The following ZNF316 variants were observed in gnomAD, a reference collection of about 807,000 sequenced individuals.
ZNF316 encodes zinc finger protein 316.
A neutral mutation model predicts 75.6 loss-of-function variants in ZNF316; 23 were observed. That is an observed-to-expected ratio of 0.30 (90% CI 0.22 to 0.43). The LOEUF is 0.43. Ranked by LOEUF, ZNF316 falls within the 20% of genes least tolerant of loss-of-function variation. The probability of loss-of-function intolerance (pLI) is 1.00; values close to 1 mark genes in which losing one functional copy is unlikely to be tolerated. For missense variants in ZNF316, 1,266 were observed against 1,409.4 expected (o/e 0.90, Z 1.63); for synonymous variants, 827 against 666.2 (o/e 1.24, Z -3.72).
In ZNF316 at chr7:6,653,868, C is replaced by T; in HGVS notation, c.2272C>T (p.Arg758Cys). 9.2e-7 allele frequency: 1 copy of T among 1,088,440 alleles called. No individual in the cohort carries two copies. The highest frequency in any genetic ancestry group is 1.1e-6 in the Non-Finnish European group (1 of 895,434). 67.4% of individuals were successfully genotyped at this position (1,088,440 alleles called of 1,614,324 possible). A position where few individuals can be genotyped will look rare whatever the true frequency, so the allele number is the denominator to read the frequency against. Residue 758 changes from arginine to cysteine, a missense_variant, in exon 9 of 9, where the codon CGC (arginine) becomes TGC (cysteine). Transcript: ENST00000382252. The part of the protein sequence containing the change: ...PCPECGARFA[R>C]GSHLAAHVRG... ...CCCCGAGTGCGGCGCGCGGTTCGCC[C>T]GCGGCTCGCACTTGGCGGCGCACGT...
Position 6,653,317 on chromosome 7 carries a change from C to A in ZNF316, c.1721C>A (p.Pro574Gln). The change falls in exon 9 of 9, where the codon CCG becomes CAG. Residue 574 changes from proline (P) to glutamine (Q), a missense_variant. Physicochemically the swap from Pro to Gln is moderately conservative, Grantham distance 76. This residue lies in a region of ZNF316 where 961 missense variants were observed against 990.9 expected (regional missense o/e 0.97). Coordinates refer to ENST00000382252, the MANE Select transcript of ZNF316 (RefSeq NM_001278559.2). Reference sequence around the variant, plus strand: ...CCCAGCGGCAAGGTGGACCCCGCGCCGGAACGGCGCTTCCTGGAGCTGGGC... The same window carrying A: ...CCCAGCGGCAAGGTGGACCCCGCGCAGGAACGGCGCTTCCTGGAGCTGGGC... Reference protein sequence around the residue: ...PTPSGKVDPAPERRFLELGNG... With the variant: ...PTPSGKVDPAQERRFLELGNG... The A allele has an allele frequency of 8.2e-7, 1 of 1,226,744 alleles. No homozygotes were observed. The highest frequency in any genetic ancestry group is 3.2e-5 in the East Asian group (1 of 31,498). The allele number at this position is 1,226,744 out of a possible 1,614,324, so 76.0% of individuals were successfully genotyped here.
intron 8 of ZNF316, among the ~76,000 whole-genome samples, chr7:6,649,769 C>T (rs897426447): frequency 4.6e-5 from 7 of 152,192 alleles, no homozygotes; most frequent in Non-Finnish European, 7.4e-5. Flanking sequence ...TGGAGTGTGG[C>T]CCACCCTTGT....
At position 6,657,280 on chromosome 7, in the gene ZNF316, C is replaced by T. The variant is rs1343966655; in HGVS notation, c.*2669C>T. Among the ~76,000 whole-genome samples, 1 of 135,008 alleles carries T rather than the reference C, an allele frequency of 7.4e-6. No individual in the cohort carries two copies. The highest frequency in any genetic ancestry group is 1.5e-5 in the Non-Finnish European group (1 of 66,262). The allele number at this position is 135,008 out of a possible 152,430, so 88.6% of individuals were successfully genotyped here. ...AAGTGCTGGGATTGCAGGTGTGAGT[C>T]ACCGCGCCCGGCCAGAGCAACCTAA... On this transcript the variant is annotated 3_prime_UTR_variant, in exon 9 of 9. Transcript: ENST00000382252.
Position 6,652,582 on chromosome 7 carries a change from C to T in ZNF316, c.986C>T (p.Pro329Leu). The change falls in exon 9 of 9, where the codon CCC (proline) becomes CTC (leucine). Residue 329 changes from proline (P) to leucine (L), a missense_variant. Physicochemically the swap from Pro to Leu is moderately conservative, Grantham distance 98. Transcript: ENST00000382252. Reference sequence around the variant, plus strand: ...GAGCCGGGTGCGAACCTGCTGTCGCCCTGGGCGTTCCCCGCCGCAGTGGCC... The same window carrying T: ...GAGCCGGGTGCGAACCTGCTGTCGCTCTGGGCGTTCCCCGCCGCAGTGGCC... ...GREPGANLLS[P>L]WAFPAAVAPP... is the part of the protein sequence containing the mutation. 1 of 1,230,766 alleles carries T rather than the reference C, an allele frequency of 8.1e-7. No homozygotes were observed. The highest frequency in any genetic ancestry group is 1.0e-6 in the Non-Finnish European group (1 of 987,248). The allele number at this position is 1,230,766 out of a possible 1,614,324, so 76.2% of individuals were successfully genotyped here.
chr7:6,642,470 G>C lies in ZNF316; in HGVS notation c.61G>C (p.Gly21Arg). 3 of 1,232,670 alleles carry C rather than the reference G, an allele frequency of 2.4e-6. No individual in the cohort carries two copies. In the South Asian group the frequency reaches 1.2e-4, roughly 51 times the overall value. 76.4% of individuals were successfully genotyped at this position (1,232,670 alleles called of 1,614,324 possible). ...TGCCCAGCTGGAGCGGGCAGAGGAC[G>C]GGTCAGAGTGCGACCCTGACCAGGA... ...PAAQLERAED[G>R]SECDPDQEEE... Residue 21 changes from glycine (G) to arginine (R), a missense_variant, in exon 5 of 9, where the codon GGG becomes CGG. By Grantham distance (125) the Gly-to-Arg change is moderately radical (BLOSUM62 -2). This residue lies in a region of ZNF316 where 961 missense variants were observed against 990.9 expected (regional missense o/e 0.97). Transcript: ENST00000382252. The surrounding 1 kb of genome is among the most constrained non-coding windows in gnomAD (Gnocchi z 8.1).
At chr7:6,647,136 A>G (rs909355478) in intron 8 of ZNF316, among the ~76,000 whole-genome samples, 9 of 152,016 alleles carry the variant, frequency 5.9e-5, no homozygotes. Context: ...CCAGCCCTGT[A>G]CTTGTGGGAC....
rs961970631 is a variant in ZNF316 at position 6,653,316 on chromosome 7, C to T, written c.1720C>T (p.Pro574Ser). 45 of 1,226,768 alleles carry T rather than the reference C, an allele frequency of 3.7e-5. No individual in the cohort carries two copies. Among genetic ancestry groups the T allele is most frequent in the Middle Eastern group, 3.1e-4 (1 of 3,200 alleles). 76.0% of individuals were successfully genotyped at this position (1,226,768 alleles called of 1,614,324 possible). A position where few individuals can be genotyped will look rare whatever the true frequency, so the allele number is the denominator to read the frequency against. ...PTPSGKVDPA[P>S]ERRFLELGNG... ...CCCCAGCGGCAAGGTGGACCCCGCG[C>T]CGGAACGGCGCTTCCTGGAGCTGGG... The change falls in exon 9 of 9, where the codon CCG becomes TCG. Residue 574 changes from proline to serine, a missense_variant. Pro to Ser is a moderately conservative substitution (Grantham distance 74). Around this residue, in one of 3 missense-constraint regions of ZNF316, gnomAD observed 961 missense variants for 990.9 expected, o/e 0.97. Coordinates refer to ENST00000382252, the MANE Select transcript of ZNF316 (RefSeq NM_001278559.2).
intron 8 of ZNF316, among the ~76,000 whole-genome samples, chr7:6,650,443 A>G (rs551474112): frequency 2.6e-5 from 4 of 152,246 alleles, no homozygotes; most frequent in African/African-American, 9.6e-5. Context: ...CCGTTTTCTG[A>G]CCCTTTTCTA....
chr7:6,644,046 T>G, intron 7 of ZNF316, 98 bp downstream of exon 7: 2 of 1,190,516 alleles, frequency 1.7e-6, no homozygotes, highest in African/African-American at 3.1e-5. Flanking sequence ...CCAGGGTCTT[T>G]CCAAAGGTGG....
chr7:6,651,072 G>A (rs1397428021), intron 8 of ZNF316, among the ~76,000 whole-genome samples: 2 of 152,152 alleles, frequency 1.3e-5, no homozygotes, highest in South Asian at 2.1e-4. Flanking sequence ...CTGACAGGCC[G>A]GGCACGGTGG....
rs548489831 is a variant in ZNF316, at chr7:6,652,748, C to T, written c.1152C>T (p.Tyr384=). The change falls in exon 9 of 9, where the codon TAC becomes TAT. Residue 384 remains tyrosine (Y), a synonymous_variant. Transcript: ENST00000382252. ...AGGAGTGCGGCAAGGGCTTCGTGTA[C>T]CGCTCGCACTTGGCCATCCACCAGC... The part of the protein sequence containing the change: ...GCEECGKGFV[Y]RSHLAIHQRT... 4 of 1,257,008 alleles carry T rather than the reference C, an allele frequency of 3.2e-6. No individual in the cohort carries two copies. Among genetic ancestry groups the T allele is most frequent in the Admixed American group, 8.2e-5 (2 of 24,322 alleles). The allele number at this position is 1,257,008 out of a possible 1,614,324, so 77.9% of individuals were successfully genotyped here.
Position 6,649,483 on chromosome 7 carries a change from C to T in ZNF316, c.707-2820C>T, listed in dbSNP as rs113606368. Among the ~76,000 whole-genome samples, 1,075 of 152,310 alleles carry T rather than the reference C, an allele frequency of 7.1e-3. 4 individuals are homozygous for T. The highest frequency in any genetic ancestry group is 0.011 in the Admixed American group (165 of 15,296). On this transcript the variant is annotated intron_variant, in intron 8 of 8. Coordinates refer to ENST00000382252, the MANE Select transcript of ZNF316 (RefSeq NM_001278559.2). ...AGCTGTGATGAGGCCTGACTTAGAT[C>T]TGGAAAACGGCTTTGGATCTGAGAG...
Position 6,652,308 on chromosome 7 carries a change from T to C in ZNF316, c.712T>C (p.Trp238Arg), listed in dbSNP as rs1260096133. ...DIVTGVYTGA[W>R]FWTDDIEDHE... ...CCTGCCTTTGTCACCTTCAGGAGCC[T>C]GGTTCTGGACGGACGACATAGAGGA... Residue 238 changes from tryptophan to arginine, a missense_variant, in exon 9 of 9, where the codon TGG becomes CGG. Trp to Arg is a moderately radical substitution (Grantham distance 101, BLOSUM62 -3). This residue lies in a region of ZNF316 where 961 missense variants were observed against 990.9 expected (regional missense o/e 0.97). Coordinates refer to ENST00000382252, the MANE Select transcript of ZNF316 (RefSeq NM_001278559.2). 5 of 1,232,282 alleles carry C rather than the reference T, an allele frequency of 4.1e-6. No homozygotes were observed. The highest frequency in any genetic ancestry group is 5.1e-6 in the Non-Finnish European group (5 of 988,046). The allele number at this position is 1,232,282 out of a possible 1,614,324, so 76.3% of individuals were successfully genotyped here. A position where few individuals can be genotyped will look rare whatever the true frequency, so the allele number is the denominator to read the frequency against.
chr7:6,650,513 C>T (rs1779488980), intron 8 of ZNF316, among the ~76,000 whole-genome samples: 1 of 152,276 alleles, frequency 6.6e-6, no homozygotes, highest in South Asian at 2.1e-4. Flanking sequence ...TCCTGCGGCT[C>T]TAGGTCCCCA....
chr7:6,650,938 G>A (rs563351835), intron 8 of ZNF316, among the ~76,000 whole-genome samples: 5 of 152,292 alleles, frequency 3.3e-5, no homozygotes, highest in African/African-American at 4.8e-5. Context: ...GAGCCCCACC[G>A]AGCCAGCTCC....
intron 8 of ZNF316, among the ~76,000 whole-genome samples, chr7:6,649,768 GC>G (rs1408428689): frequency 2.0e-5 from 3 of 152,188 alleles, no homozygotes; most frequent in Admixed American, 2.0e-4. Flanking sequence ...CTGGAGTGTG[GC>G]CCACCCTTGT....
chr7:6,643,120 TC>T, intron 6 of ZNF316, 47 bp downstream of exon 6: 1 of 1,232,208 alleles, frequency 8.1e-7, no homozygotes, highest in South Asian at 4.1e-5. Context: ...GGGCAGGGTT[TC>T]CCCCGGGGCC....
intron 3 of ZNF316, among the ~76,000 whole-genome samples, chr7:6,641,474 C>T (rs1024445961): frequency 1.2e-4 from 18 of 152,348 alleles, no homozygotes; most frequent in Non-Finnish European, 2.4e-4. Context: ...GTGAAGGACA[C>T]GCAGTGGGGA....
At chr7:6,648,820 G>GCA (rs756459516) in intron 8 of ZNF316, among the ~76,000 whole-genome samples, 3 of 145,934 alleles carry the variant, frequency 2.1e-5, no homozygotes, top group Non-Finnish European at 3.0e-5. Flanking sequence ...GTTGCTGCGG[G>GCA]CACAGGGGAG....
Sources: gnomAD v4.1 joint callset for allele counts (sites outside exome capture counted in the v4.1 genomes callset) on GRCh38, gnomAD v4.1.1 for gene constraint, gnomAD v4.1.1 regional missense constraint, Gnocchi (gnomAD v3.1) non-coding constraint, MANE v1.5 for transcripts, NCBI Gene and HGNC (gene_info 2026-07-23, HGNC 2026-07-21) for gene names.